The following UNC13C variants were observed in gnomAD, a reference collection of about 807,000 sequenced individuals.
The protein encoded by UNC13C is unc-13 homolog C, also known as protein unc-13 homolog C.
UNC13C carries 174 observed loss-of-function variants against 245.4 expected under a neutral mutation model. The ratio of observed to expected loss-of-function variants is 0.71; its 90% confidence interval spans 0.63 to 0.80. The LOEUF (loss-of-function observed/expected upper bound fraction) is 0.80, where lower values mean the gene tolerates loss of function less well. UNC13C is among the 30% of genes least tolerant of loss of function. UNC13C has a pLI of 0.00. For missense variants in UNC13C, 2,829 were observed against 2,602.9 expected, an observed-to-expected ratio of 1.09 and a Z score of -1.89; for synonymous variants, 992 against 895.1, an observed-to-expected ratio of 1.11 and a Z score of -1.93.
chr15:54,596,626 C>G (rs892119016), intron 30 of UNC13C, among the ~76,000 whole-genome samples: 1 of 152,118 alleles, frequency 6.6e-6, no homozygotes, highest in African/African-American at 2.4e-5. Context: ...TTTTCCAACT[C>G]GCATGTTGAC....
chr15:54,060,149 GC>G (rs36145065), intron 2 of UNC13C, among the ~76,000 whole-genome samples: 104,360 of 151,862 alleles, frequency 0.69, 36,195 homozygotes, highest in African/African-American at 0.77. Flanking sequence ...CTTCTGCACA[GC>G]AAAAGAAACC....
chr15:54,050,115 G>T (rs1023741115), intron 2 of UNC13C: 2 of 332,758 alleles, frequency 6.0e-6, no homozygotes, highest in Admixed American at 3.8e-5. Flanking sequence ...GATTACAGGC[G>T]CCCGCCACCA....
intron 19 of UNC13C, among the ~76,000 whole-genome samples, chr15:54,476,242 CT>C (rs1381104723): frequency 7.2e-6 from 1 of 139,810 alleles, no homozygotes; most frequent in Non-Finnish European, 1.5e-5. Flanking sequence ...CGAAAATTTT[CT>C]CCCATTTTGT....
intron 19 of UNC13C, among the ~76,000 whole-genome samples, chr15:54,433,976 T>G (rs2040927070): frequency 6.6e-6 from 1 of 152,048 alleles, no homozygotes; most frequent in South Asian, 2.1e-4. Flanking sequence ...TGAACTCCTA[T>G]TCACAATTGC....
chr15:54,236,149 T>G (rs771862421), intron 5 of UNC13C, among the ~76,000 whole-genome samples: 3 of 152,226 alleles, frequency 2.0e-5, no homozygotes, highest in African/African-American at 7.2e-5. Context: ...TAAATTTTCT[T>G]TCAGCAACAA....
At chr15:54,018,206 A>G (rs1053082735) in intron 2 of UNC13C, among the ~76,000 whole-genome samples, 1 of 152,102 alleles carries the variant, frequency 6.6e-6, no homozygotes, top group African/African-American at 2.4e-5. Context: ...TTCTGTTCCC[A>G]TGGCCATCTG....
chr15:54,438,698 G>T (rs1315072382), intron 19 of UNC13C, among the ~76,000 whole-genome samples: 1 of 151,810 alleles, frequency 6.6e-6, no homozygotes. Flanking sequence ...AGTACCTCTA[G>T]AGAGCTGGTG....
intron 18 of UNC13C, among the ~76,000 whole-genome samples, chr15:54,405,159 C>T (rs937653038): frequency 6.6e-6 from 1 of 152,012 alleles, no homozygotes; most frequent in African/African-American, 2.4e-5. Context: ...CTCACAGCAG[C>T]CCTAGAAACA....
chr15:54,110,175 G>T (rs1333442388), intron 2 of UNC13C, among the ~76,000 whole-genome samples: 1 of 151,922 alleles, frequency 6.6e-6, no homozygotes, highest in Non-Finnish European at 1.5e-5. Context: ...AGCTACTCAG[G>T]AGGCTGAGGC....
chr15:54,397,089 A>G (rs1163196523), intron 18 of UNC13C, among the ~76,000 whole-genome samples: 1 of 151,514 alleles, frequency 6.6e-6, no homozygotes, highest in Non-Finnish European at 1.5e-5. Flanking sequence ...TTTTAAAAAA[A>G]TTCTATTTTA....
chr15:54,455,181 C>CTG (rs1406888220), intron 19 of UNC13C, among the ~76,000 whole-genome samples: 3 of 38,500 alleles, frequency 7.8e-5, no homozygotes, highest in Admixed American at 7.2e-4. Context: ...CTCTCTCTCT[C>CTG]TCTCTCTCTC....
chr15:54,012,874 G>A lies in UNC13C; in HGVS notation c.-30G>A, dbSNP rs752179222. 6 of 1,502,862 alleles carry A rather than the reference G, an allele frequency of 4.0e-6. No individual in the cohort carries two copies. In the East Asian group the frequency reaches 1.4e-4, roughly 34 times the overall value. 93.1% of individuals were successfully genotyped at this position (1,502,862 alleles called of 1,614,324 possible). A position where few individuals can be genotyped will look rare whatever the true frequency, so the allele number is the denominator to read the frequency against. ...ATCCTGATACTTGTTTACTTTTCTG[G>A]GGCAGAAAAGCTTGCACTAATTGCT... On this transcript the variant is annotated 5_prime_UTR_variant, in exon 2 of 33. Coordinates refer to ENST00000260323, the MANE Select transcript of UNC13C (RefSeq NM_001080534.3).
the UNC13C span, among the ~76,000 whole-genome samples, chr15:53,845,981 A>G: frequency 1.3e-5 from 2 of 152,178 alleles, no homozygotes; most frequent in Non-Finnish European, 1.5e-5. Context: ...CCAAGTACCA[A>G]TAAAACCATT....
chr15:54,424,843 C>T (rs1567260705), intron 19 of UNC13C, among the ~76,000 whole-genome samples: 1 of 151,724 alleles, frequency 6.6e-6, no homozygotes, highest in Non-Finnish European at 1.5e-5. Flanking sequence ...GGAGAGAAAA[C>T]AAAAATGTTT....
the UNC13C span, among the ~76,000 whole-genome samples, chr15:53,873,042 T>G: frequency 6.6e-6 from 1 of 152,186 alleles, no homozygotes; most frequent in Non-Finnish European, 1.5e-5. Context: ...AGCTTCAGGA[T>G]GGGAAGATAT....
the UNC13C span, among the ~76,000 whole-genome samples, chr15:53,962,995 T>C: frequency 5.3e-5 from 8 of 152,238 alleles, no homozygotes; most frequent in African/African-American, 1.9e-4. Flanking sequence ...AATATTTATG[T>C]AGCTTTCTCG....
At chr15:54,401,476 G>A (rs1054720775) in intron 18 of UNC13C, among the ~76,000 whole-genome samples, 3 of 152,122 alleles carry the variant, frequency 2.0e-5, no homozygotes, top group African/African-American at 7.2e-5. Context: ...TTCACTCTCT[G>A]GAACTGTACC....
the UNC13C span, among the ~76,000 whole-genome samples, chr15:53,965,540 T>G: frequency 1.6e-5 from 1 of 60,764 alleles, no homozygotes. Context: ...TTTTTTTCCC[T>G]TATTTATTTA....
chr15:53,960,658 A>C, the UNC13C span, among the ~76,000 whole-genome samples: 1 of 152,310 alleles, frequency 6.6e-6, no homozygotes, highest in South Asian at 2.1e-4. Context: ...CTGACAACCT[A>C]GATCCCAAAG....
Sources: allele counts gnomAD v4.1 joint callset (sites outside exome capture counted in the v4.1 genomes callset), GRCh38; gene constraint gnomAD v4.1.1; transcripts MANE v1.5; gene names NCBI Gene and HGNC (gene_info 2026-07-23, HGNC 2026-07-21).